KDM4C: variants seen among roughly 807,000 people sequenced by gnomAD.
The protein encoded by KDM4C is lysine demethylase 4C, also known as lysine-specific demethylase 4C.
Under a neutral mutation model 129.3 loss-of-function variants are expected in KDM4C, and 81 were observed. That is an observed-to-expected ratio of 0.63 (90% CI 0.52 to 0.75). The LOEUF is 0.75. Ranked by LOEUF, KDM4C falls within the 30% of genes least tolerant of loss-of-function variation. The pLI, the probability that KDM4C is intolerant of heterozygous loss-of-function variation, is 0.00. For synonymous variants in KDM4C, 573 were observed against 456.1 expected (o/e 1.26, Z -3.26); for missense variants, 1,457 against 1,304.0 (o/e 1.12, Z -1.81).
At chr9:6,894,589 G>A (rs978100298) in intron 8 of KDM4C, among the ~76,000 whole-genome samples, 1 of 152,184 alleles carries the variant, frequency 6.6e-6, no homozygotes, top group African/African-American at 2.4e-5. Flanking sequence ...ATTGATTCTT[G>A]TTTAATACAG....
intron 8 of KDM4C, among the ~76,000 whole-genome samples, chr9:6,923,810 C>T (rs1821980047): frequency 6.6e-6 from 1 of 152,084 alleles, no homozygotes; most frequent in African/African-American, 2.4e-5. Context: ...CTGCAGAATC[C>T]AGTCTTCTCT....
intron 2 of KDM4C, among the ~76,000 whole-genome samples, chr9:6,798,258 T>TTC: frequency 3.1e-4 from 1 of 3,268 alleles, no homozygotes; most frequent in East Asian, 7.2e-3. Context: ...CTTTCTTTCT[T>TTC]TTTTTTTTTT....
At chr9:6,763,283 A>T (rs530509095) in intron 1 of KDM4C, among the ~76,000 whole-genome samples, 82 of 152,012 alleles carry the variant, frequency 5.4e-4, no homozygotes, top group African/African-American at 1.8e-3. Flanking sequence ...TGGGCTTGGT[A>T]CTCTGCCCAT....
intron 4 of KDM4C, among the ~76,000 whole-genome samples, chr9:6,839,965 A>G (rs902853203): frequency 1.3e-5 from 2 of 152,022 alleles, no homozygotes; most frequent in African/African-American, 4.8e-5. Flanking sequence ...ATGCTGAAAT[A>G]TAAAAATGAG....
chr9:6,925,912 C>A (rs897935038), intron 8 of KDM4C, among the ~76,000 whole-genome samples: 2 of 152,148 alleles, frequency 1.3e-5, no homozygotes, highest in African/African-American at 4.8e-5. Flanking sequence ...TCTTGAGCCG[C>A]AGCTTAGCTT....
intron 1 of KDM4C, among the ~76,000 whole-genome samples, chr9:6,768,932 C>G (rs1821193601): frequency 6.6e-6 from 1 of 152,000 alleles, no homozygotes; most frequent in Non-Finnish European, 1.5e-5. Flanking sequence ...ATCACCATGC[C>G]CGGGTAATTT....
At chr9:6,761,928 TC>T (rs1174537909) in intron 1 of KDM4C, among the ~76,000 whole-genome samples, 1 of 152,012 alleles carries the variant, frequency 6.6e-6, no homozygotes, top group African/African-American at 2.4e-5. Flanking sequence ...CTCCTCAGCC[TC>T]CCGAGTAGCT....
intron 1 of KDM4C, among the ~76,000 whole-genome samples, chr9:6,772,079 G>A (rs1333377350): frequency 6.6e-6 from 1 of 152,102 alleles, no homozygotes; most frequent in African/African-American, 2.4e-5. Context: ...TATCAATCCA[G>A]TTACATAAAA....
intron 1 of KDM4C, among the ~76,000 whole-genome samples, chr9:6,781,098 G>C (rs1225605451): frequency 6.6e-6 from 1 of 152,156 alleles, no homozygotes; most frequent in East Asian, 1.9e-4. Flanking sequence ...GGAAGTGATT[G>C]TGCCAGGCTA....
At chr9:6,770,118 G>A (rs1371606834) in intron 1 of KDM4C, among the ~76,000 whole-genome samples, 2 of 151,992 alleles carry the variant, frequency 1.3e-5, no homozygotes, top group East Asian at 1.9e-4. Context: ...GGTGGAGGTT[G>A]CAGTGAGCTG....
intron 5 of KDM4C, among the ~76,000 whole-genome samples, chr9:6,873,923 AGAGAGAGTGAGAGAGAGC>A (rs1432711936): frequency 2.9e-4 from 40 of 137,474 alleles, no homozygotes; most frequent in African/African-American, 9.4e-4. Context: ...AGCGAGAGAG[AGAGAGAGTGAGAGAGAGC>A]GAGAGAGAGA....
intron 4 of KDM4C, chr9:6,819,154 A>G (rs1410531491): frequency 6.6e-6 from 1 of 152,194 alleles, no homozygotes; most frequent in Non-Finnish European, 1.5e-5. Flanking sequence ...TAGAAGCAGC[A>G]TGTTTGGGAA....
At chr9:6,788,468 G>T (rs1255544559) in intron 1 of KDM4C, among the ~76,000 whole-genome samples, 3 of 152,168 alleles carry the variant, frequency 2.0e-5, no homozygotes, top group East Asian at 1.9e-4. Flanking sequence ...TCACTGCCCA[G>T]ATTTTTCTGT....
intron 5 of KDM4C, among the ~76,000 whole-genome samples, chr9:6,861,927 A>G (rs775086090): frequency 2.0e-5 from 3 of 151,864 alleles, no homozygotes; most frequent in Non-Finnish European, 4.4e-5. Context: ...ATGTGCCACC[A>G]TGCCTGGCTA....
chr9:7,167,437 G>T (rs866657875), intron 20 of KDM4C, among the ~76,000 whole-genome samples: 6 of 152,338 alleles, frequency 3.9e-5, no homozygotes, highest in Middle Eastern at 3.4e-3. Flanking sequence ...TAAAACAAAT[G>T]AAAGTAGGCA....
intron 17 of KDM4C, among the ~76,000 whole-genome samples, chr9:7,091,062 C>T (rs573509518): frequency 2.0e-5 from 3 of 152,144 alleles, no homozygotes; most frequent in Admixed American, 1.3e-4. Flanking sequence ...TGAGGAAAAC[C>T]CCCCCAAAAC....
intron 17 of KDM4C, among the ~76,000 whole-genome samples, chr9:7,091,248 G>T (rs1835762968): frequency 6.6e-6 from 1 of 152,062 alleles, no homozygotes. Context: ...TAGAGTGGAG[G>T]TCTGAATTCA....
chr9:6,925,555 C>A, intron 8 of KDM4C: 1 of 979,014 alleles, frequency 1.0e-6, no homozygotes, highest in Non-Finnish European at 1.2e-6. Context: ...CTTGGCCTCC[C>A]GAAGTTCTGG....
intron 4 of KDM4C, among the ~76,000 whole-genome samples, chr9:6,836,783 A>G (rs908936708): frequency 1.3e-5 from 2 of 152,156 alleles, no homozygotes; most frequent in Middle Eastern, 3.4e-3. Flanking sequence ...TGTAATGTTC[A>G]TTCATTTTCT....
Sources: allele counts gnomAD v4.1 joint callset (sites outside exome capture counted in the v4.1 genomes callset), GRCh38; gene constraint gnomAD v4.1.1; transcripts MANE v1.5; gene names NCBI Gene and HGNC (gene_info 2026-07-23, HGNC 2026-07-21).